The following VPS53 variants were observed in gnomAD, a reference collection of about 807,000 sequenced individuals.
VPS53 encodes vacuolar protein sorting-associated protein 53 homolog.
Under a neutral mutation model 107.0 loss-of-function variants are expected in VPS53, and 70 were observed. The observed-to-expected ratio is 0.65, with a 90% CI of 0.54 to 0.80. The LOEUF (loss-of-function observed/expected upper bound fraction) is 0.80. VPS53 is among the 30% of genes least tolerant of loss of function. VPS53 has a pLI of 0.00. For synonymous variants in VPS53, 409 were observed against 393.3 expected, an observed-to-expected ratio of 1.04 and a Z score of -0.47; for missense variants, 917 against 1,049.4, an observed-to-expected ratio of 0.87 and a Z score of 1.74.
At chr17:549,323 G>A (rs775224310) in intron 17 of VPS53, among the ~76,000 whole-genome samples, 2 of 152,164 alleles carry the variant, frequency 1.3e-5, no homozygotes, top group African/African-American at 4.8e-5. Flanking sequence ...CCATCACATG[G>A]ATTTTATTTT....
chr17:597,389 G>A (rs1968024944), intron 12 of VPS53, among the ~76,000 whole-genome samples: 1 of 152,154 alleles, frequency 6.6e-6, no homozygotes, highest in South Asian at 2.1e-4. Context: ...GAGATCCTGG[G>A]GCGCCCACCT....
At chr17:620,764 G>A (rs1481119855) in intron 11 of VPS53, among the ~76,000 whole-genome samples, 1 of 149,236 alleles carries the variant, frequency 6.7e-6, no homozygotes, top group Non-Finnish European at 1.5e-5. Flanking sequence ...CCACCACCAC[G>A]CCTGACTAAT....
chr17:670,069 T>C (rs1012563654), intron 4 of VPS53, among the ~76,000 whole-genome samples: 2 of 152,200 alleles, frequency 1.3e-5, no homozygotes, highest in Admixed American at 1.3e-4. Context: ...TCTAAAGGTG[T>C]TATAAAGCAG....
chr17:590,763 T>A (rs1967602845), intron 12 of VPS53, among the ~76,000 whole-genome samples: 1 of 143,846 alleles, frequency 7.0e-6, no homozygotes, highest in Non-Finnish European at 1.5e-5. Context: ...TTTGATGTGC[T>A]GCTGGATTTG....
intron 17 of VPS53, chr17:537,428 G>A: frequency 2.5e-6 from 1 of 406,112 alleles, no homozygotes; most frequent in Non-Finnish European, 4.5e-6. Flanking sequence ...TCCCCGACCT[G>A]CCTGAAACAG....
chr17:664,856 G>A (rs1971614540), intron 4 of VPS53, among the ~76,000 whole-genome samples: 1 of 152,136 alleles, frequency 6.6e-6, no homozygotes, highest in Non-Finnish European at 1.5e-5. Flanking sequence ...TGAGGGAGAG[G>A]GAGAACCAAG....
rs149001754 is a variant in VPS53, at chr17:547,216, C to T, written c.1866+4656G>A. Among the ~76,000 whole-genome samples the T allele has an allele frequency of 5.9e-5, 9 of 152,032 alleles. No homozygotes were observed. The South Asian group carries it at 6.2e-4, about 11-fold the overall frequency. On this transcript the variant is annotated intron_variant, in intron 17 of 21. Transcript: ENST00000437048. ...GAAGAGAACTGAAAACATGTTCACA[C>T]GAAAAATTGTACATGAATGTTCACA...
At position 661,495 on chromosome 17, in the gene VPS53, C is replaced by G. The variant is rs188153944; in HGVS notation, c.372+314G>C. 8.4e-4 allele frequency among the ~76,000 whole-genome samples: 119 copies of G among 141,764 alleles called. 1 individual carries two copies. The East Asian group carries it at 0.015, about 17-fold the overall frequency. The allele number at this position is 141,764 out of a possible 152,430, so 93.0% of individuals were successfully genotyped here. On this transcript the variant is annotated intron_variant, in intron 5 of 21. Coordinates refer to ENST00000437048, the MANE Select transcript of VPS53 (RefSeq NM_001128159.3). ...AAGATCGCACCACTGCACTCCAAGGCTGGCGACAGAGCAAGACTCCATCTC... is the reference window on the plus strand; with the variant it reads ...AAGATCGCACCACTGCACTCCAAGGGTGGCGACAGAGCAAGACTCCATCTC...
chr17:590,226 T>G (rs375638259), intron 12 of VPS53, among the ~76,000 whole-genome samples: 2,365 of 152,286 alleles, frequency 0.016, 24 homozygotes, highest in Middle Eastern at 0.031. Flanking sequence ...TACATTGATT[T>G]TGTATCCTGA....
chr17:560,271 A>G (rs1176698941), intron 15 of VPS53, among the ~76,000 whole-genome samples, 155 bp downstream of exon 15: 1 of 152,234 alleles, frequency 6.6e-6, no homozygotes, highest in Non-Finnish European at 1.5e-5. Flanking sequence ...GGGCAGCCTT[A>G]TGGCTGGACA....
chr17:549,138 A>AGG (rs10652365), intron 17 of VPS53, among the ~76,000 whole-genome samples: 13,418 of 152,180 alleles, frequency 0.088, 683 homozygotes, highest in East Asian at 0.17. Context: ...TGTGCTGGGC[A>AGG]GGGTCTGAAC....
chr17:534,495 AAAC>A (rs1909866812), intron 18 of VPS53, among the ~76,000 whole-genome samples: 1 of 152,162 alleles, frequency 6.6e-6, no homozygotes, highest in Non-Finnish European at 1.5e-5. Flanking sequence ...GAAGGAGAGT[AAAC>A]AAGGGGCTAT....
intron 13 of VPS53, among the ~76,000 whole-genome samples, chr17:574,715 T>C (rs955836906): frequency 2.6e-5 from 4 of 152,168 alleles, no homozygotes; most frequent in Non-Finnish European, 5.9e-5. Flanking sequence ...CAGTGAGTCC[T>C]GATCACGCCT....
In VPS53 at chr17:714,766, G is replaced by C. The variant is rs1263288608; in HGVS notation, c.-57C>G. The C allele has an allele frequency of 1.3e-6, 2 of 1,587,130 alleles. No individual in the cohort carries two copies. Among genetic ancestry groups the C allele is most frequent in the African/African-American group, 2.7e-5 (2 of 74,412 alleles). ...GCGAGCCCAACTCAGGCCTCCAGCC[G>C]CCACCCAGGCCCCAGCACAGCAACT... On this transcript the variant is annotated 5_prime_UTR_variant, in exon 1 of 22. Transcript: ENST00000437048.
chr17:599,636 C>T (rs1390758326), intron 12 of VPS53, among the ~76,000 whole-genome samples: 2 of 149,792 alleles, frequency 1.3e-5, no homozygotes, highest in Non-Finnish European at 3.0e-5. Flanking sequence ...GGGTCCTCTG[C>T]CTAGGAAAAC....
chr17:575,843 A>C (rs568853331), intron 13 of VPS53, among the ~76,000 whole-genome samples: 300 of 151,004 alleles, frequency 2.0e-3, no homozygotes, highest in Non-Finnish European at 2.3e-3. Context: ...GAAAACTCTC[A>C]GAACCTAATG....
intron 4 of VPS53, among the ~76,000 whole-genome samples, chr17:669,591 T>TGAAAAAAAAAAAA (rs1321522568): frequency 2.2e-5 from 1 of 46,240 alleles, no homozygotes; most frequent in Non-Finnish European, 7.3e-5. Flanking sequence ...ATACTCTGTC[T>TGAAAAAAAAAAAA]TAAAAAAAAA....
At chr17:684,461 A>G (rs1825258800) in intron 4 of VPS53, among the ~76,000 whole-genome samples, 1 of 152,236 alleles carries the variant, frequency 6.6e-6, no homozygotes, top group South Asian at 2.1e-4. Flanking sequence ...TAATCATACC[A>G]AAAACCACAA....
At chr17:644,937 GC>G (rs1358410386) in intron 7 of VPS53, among the ~76,000 whole-genome samples, 1 of 152,114 alleles carries the variant, frequency 6.6e-6, no homozygotes. Context: ...CAAAATTATT[GC>G]AAATAGAGAT....
Sources: gnomAD v4.1 joint callset for allele counts (sites outside exome capture counted in the v4.1 genomes callset) on GRCh38, gnomAD v4.1.1 for gene constraint, MANE v1.5 for transcripts, NCBI Gene and HGNC (gene_info 2026-07-23, HGNC 2026-07-21) for gene names.